Variants in SNX13 observed in about 807,000 individuals in gnomAD.
SNX13 encodes sorting nexin 13.
A neutral mutation model predicts 133.6 loss-of-function variants in SNX13; 45 were observed. The observed-to-expected ratio is 0.34, with a 90% CI of 0.27 to 0.43. The LOEUF is 0.43. Ranked by LOEUF, SNX13 falls within the 20% of genes least tolerant of loss-of-function variation. The pLI is 1.00. For synonymous variants in SNX13, 414 were observed against 373.9 expected (o/e 1.11, Z -1.24); for missense variants, 1,032 against 1,145.1 (o/e 0.90, Z 1.43).
chr7:17,821,739 A>T, intron 17 of SNX13, 91 bp from the exon 18 acceptor site: 1 of 1,403,488 alleles, frequency 7.1e-7, no homozygotes. Context: ...AGGAAGATGA[A>T]GAAAACAAAA....
rs1198153298 is a variant in SNX13 at position 17,850,875 on chromosome 7, C to T, written c.927G>A (p.Lys309=). ...TAAGATACTGTAATTCTTCTGCTGC[C>T]TTATCTCTGACTGCTTCTAGCTCTC... ...NIGELEAVRD[K]AAEELQYLRS... is the part of the protein sequence containing the mutation. Residue 309 remains lysine (K), a synonymous_variant, in exon 10 of 26, where the codon AAG becomes AAA. Coordinates refer to ENST00000428135, the MANE Select transcript of SNX13 (RefSeq NM_015132.5). The T allele has an allele frequency of 6.2e-7, 1 of 1,611,964 alleles. No individual in the cohort carries two copies. The highest frequency in any genetic ancestry group is 1.3e-5 in the African/African-American group (1 of 74,822).
At chr7:17,825,941 TA>T in intron 17 of SNX13, 80 bp downstream of exon 17, 1 of 1,043,154 alleles carries the variant, frequency 9.6e-7, no homozygotes, top group Non-Finnish European at 1.4e-6. Context: ...AAATGGTTAG[TA>T]AAAATTAAGT....
chr7:17,830,034 C>A lies in SNX13; in HGVS notation c.1611G>T (p.Gly537=), dbSNP rs1350747563. The change falls in exon 16 of 26, where the codon GGG becomes GGT. Residue 537 remains glycine (G), a synonymous_variant. Coordinates refer to ENST00000428135, the MANE Select transcript of SNX13 (RefSeq NM_015132.5). ...CCAAATTTATGCTTCCTGTAGGAGA[C>A]CCATTAAAAGATTCTGCAGGGGGGA... ...SDDGDGESFN[G]SPTGSINLSL... 2 of 1,533,720 alleles carry A rather than the reference C, an allele frequency of 1.3e-6. No homozygotes were observed. Among genetic ancestry groups the A allele is most frequent in the Non-Finnish European group, 1.8e-6 (2 of 1,135,434 alleles).
rs535517062 is a variant in SNX13, at chr7:17,793,756, A to T, written c.*289T>A. ...ACTTTGTCATTGCTGGAGAATGCTGATTAGTTTGAAATGGAAGAAACCAAC... is the reference window on the plus strand; with the variant it reads ...ACTTTGTCATTGCTGGAGAATGCTGTTTAGTTTGAAATGGAAGAAACCAAC... On this transcript the variant is annotated 3_prime_UTR_variant, in exon 26 of 26. Coordinates refer to ENST00000428135, the MANE Select transcript of SNX13 (RefSeq NM_015132.5). The T allele has an allele frequency of 1.6e-4, 46 of 291,484 alleles. No homozygotes were observed. The Middle Eastern group carries it at 3.1e-3, about 20-fold the overall frequency. The allele number at this position is 291,484 out of a possible 1,614,324, so 18.1% of individuals were successfully genotyped here. A position where few individuals can be genotyped will look rare whatever the true frequency, so the allele number is the denominator to read the frequency against.
At chr7:17,842,757 C>T (rs1314006484) in intron 12 of SNX13, among the ~76,000 whole-genome samples, 1 of 151,926 alleles carries the variant, frequency 6.6e-6, no homozygotes, top group African/African-American at 2.4e-5. Flanking sequence ...ATTTTGAACA[C>T]ACAATTTGTA....
At chr7:17,817,074 A>G (rs531551824) in intron 18 of SNX13, among the ~76,000 whole-genome samples, 1 of 152,352 alleles carries the variant, frequency 6.6e-6, no homozygotes, top group East Asian at 1.9e-4. Context: ...CATTAAACAT[A>G]AACTCATAGA....
rs1427468646 is a variant in SNX13 at position 17,893,831 on chromosome 7, G to C, written c.126-397C>G. Among the ~76,000 whole-genome samples, 3 of 151,758 alleles carry C rather than the reference G, an allele frequency of 2.0e-5. No homozygotes were observed. The South Asian group carries it at 6.2e-4, about 32-fold the overall frequency. On this transcript the variant is annotated intron_variant, in intron 2 of 25. Transcript: ENST00000428135. ...CTACTAAAAATACAAAAATTAGCCA[G>C]GGTGGTGGCTTGCACCTGTAGTCCC...
chr7:17,839,085 T>C (rs1489526201), intron 13 of SNX13, among the ~76,000 whole-genome samples: 1 of 149,802 alleles, frequency 6.7e-6, no homozygotes, highest in Non-Finnish European at 1.5e-5. Flanking sequence ...TGCTATAAGT[T>C]CTAAAGCAAT....
rs1396204093 is a variant in SNX13, at chr7:17,821,516, G to A, written c.1838C>T (p.Thr613Ile). The A allele has an allele frequency of 1.2e-6, 2 of 1,610,928 alleles. No individual in the cohort carries two copies. Among genetic ancestry groups the A allele is most frequent in the Non-Finnish European group, 1.7e-6 (2 of 1,178,678 alleles). Reference sequence around the variant, plus strand: ...TTTTTAAAACTTCATTACCTGTTCAGTGATTCTCATGTGGAAGTCATGGAA... The same window carrying A: ...TTTTTAAAACTTCATTACCTGTTCAATGATTCTCATGTGGAAGTCATGGAA... ...SDFHDFHMRITEQFESLSSIL... is the reference protein window; with the variant it reads ...SDFHDFHMRIIEQFESLSSIL... The change falls in exon 18 of 26, where the codon ACT becomes ATT. Residue 613 changes from threonine (T) to isoleucine (I), a missense_variant. Thr to Ile is a moderately conservative substitution (Grantham distance 89). Transcript: ENST00000428135.
chr7:17,860,622 A>G (rs1207433419), intron 9 of SNX13, among the ~76,000 whole-genome samples: 1 of 152,120 alleles, frequency 6.6e-6, no homozygotes, highest in East Asian at 1.9e-4. Flanking sequence ...ATCCATTTTG[A>G]GTTAATTTTT....
Position 17,804,736 on chromosome 7 carries a change from CA to C in SNX13, c.2065-1157del, listed in dbSNP as rs777064485. Reference sequence around the variant, plus strand: ...CATACAAAACTACAGAAATGTTTTCCAAAAAAAAAAAATTGTTAAGTATCAT... The same window carrying C: ...CATACAAAACTACAGAAATGTTTTCCAAAAAAAAAAATTGTTAAGTATCAT... On this transcript the variant is annotated intron_variant, in intron 20 of 25. Coordinates refer to ENST00000428135, the MANE Select transcript of SNX13 (RefSeq NM_015132.5). Among the ~76,000 whole-genome samples, 1,020 of 135,268 alleles carry C rather than the reference CA, an allele frequency of 7.5e-3. 7 individuals are homozygous for C. The highest frequency in any genetic ancestry group is 0.011 in the Non-Finnish European group (654 of 62,046). The allele number at this position is 135,268 out of a possible 152,430, so 88.7% of individuals were successfully genotyped here.
intron 9 of SNX13, among the ~76,000 whole-genome samples, chr7:17,863,686 T>C (rs1056557867): frequency 1.4e-4 from 22 of 152,186 alleles, no homozygotes; most frequent in Non-Finnish European, 2.8e-4. Flanking sequence ...CAGGCAGCAG[T>C]GGCCACAGGC....
chr7:17,866,751 A>T (rs1793443306), intron 9 of SNX13, among the ~76,000 whole-genome samples: 1 of 152,212 alleles, frequency 6.6e-6, no homozygotes, highest in African/African-American at 2.4e-5. Flanking sequence ...TAATGGGTAT[A>T]AAACACAGTC....
At chr7:17,866,626 G>A (rs1793428020) in intron 9 of SNX13, among the ~76,000 whole-genome samples, 1 of 152,092 alleles carries the variant, frequency 6.6e-6, no homozygotes, top group African/African-American at 2.4e-5. Context: ...ATGCACAGCA[G>A]GCCAAATATG....
intron 1 of SNX13, among the ~76,000 whole-genome samples, chr7:17,929,009 C>CA: frequency 6.8e-6 from 1 of 146,702 alleles, no homozygotes; most frequent in South Asian, 2.1e-4. Context: ...TAAAGTATAA[C>CA]AAAAAATAGA....
chr7:17,886,964 T>G (rs1796070509), intron 5 of SNX13, among the ~76,000 whole-genome samples: 2 of 146,944 alleles, frequency 1.4e-5, no homozygotes, highest in Admixed American at 6.8e-5. Flanking sequence ...CCACCTCCCT[T>G]GCTCTACAAA....
intron 1 of SNX13, among the ~76,000 whole-genome samples, chr7:17,930,064 A>C (rs1801216655): frequency 1.4e-5 from 1 of 72,534 alleles, no homozygotes; most frequent in Admixed American, 1.5e-4. Context: ...CAGAGGAAAT[A>C]AGAATAAAGA....
chr7:17,850,129 C>T (rs575204454), intron 11 of SNX13, among the ~76,000 whole-genome samples: 306 of 152,276 alleles, frequency 2.0e-3, no homozygotes, highest in Non-Finnish European at 3.6e-3. Flanking sequence ...ATAAAATCTT[C>T]AATTACTTTA....
chr7:17,870,334 T>C (rs568231406), intron 8 of SNX13, among the ~76,000 whole-genome samples: 1 of 152,318 alleles, frequency 6.6e-6, no homozygotes, highest in East Asian at 1.9e-4. Flanking sequence ...CTCTTTCGTC[T>C]GTTATTTAAT....
Sources: allele counts gnomAD v4.1 joint callset (sites outside exome capture counted in the v4.1 genomes callset), GRCh38; gene constraint gnomAD v4.1.1; transcripts MANE v1.5; gene names NCBI Gene and HGNC (gene_info 2026-07-23, HGNC 2026-07-21).